The following TMCC1 variants were observed in gnomAD, a reference collection of about 807,000 sequenced individuals.
The protein encoded by TMCC1 is transmembrane and coiled-coil domain family 1, also known as transmembrane and coiled-coil domains protein 1.
A neutral mutation model predicts 52.4 loss-of-function variants in TMCC1; 15 were observed. That is an observed-to-expected ratio of 0.29 (90% CI 0.19 to 0.44). The LOEUF (loss-of-function observed/expected upper bound fraction) is 0.44, where lower values mean the gene tolerates loss of function less well. Ranked by LOEUF, TMCC1 falls within the 20% of genes least tolerant of loss-of-function variation. TMCC1 has a pLI of 1.00. For missense variants in TMCC1, 503 were observed against 806.0 expected, an observed-to-expected ratio of 0.62 and a Z score of 4.55; for synonymous variants, 279 against 301.9, an observed-to-expected ratio of 0.92 and a Z score of 0.79.
At chr3:129,721,178 C>T (rs550092981) in intron 4 of TMCC1, among the ~76,000 whole-genome samples, 53 of 152,232 alleles carry the variant, frequency 3.5e-4, no homozygotes, top group South Asian at 6.2e-4. Flanking sequence ...CTGGCTGTAC[C>T]CCTGCCTGGA....
intron 4 of TMCC1, among the ~76,000 whole-genome samples, chr3:129,672,508 G>A (rs2088040092): frequency 6.6e-6 from 1 of 152,058 alleles, no homozygotes; most frequent in African/African-American, 2.4e-5. Context: ...GCTGAGGTGG[G>A]AGGATCACTT....
At chr3:129,687,963 T>A (rs2089527583) in intron 4 of TMCC1, among the ~76,000 whole-genome samples, 1 of 152,238 alleles carries the variant, frequency 6.6e-6, no homozygotes, top group Non-Finnish European at 1.5e-5. Context: ...TTCTGGCTTC[T>A]GTCTGTTGAG....
intron 4 of TMCC1, among the ~76,000 whole-genome samples, chr3:129,691,994 G>A (rs953593462): frequency 6.6e-6 from 1 of 152,036 alleles, no homozygotes; most frequent in African/African-American, 2.4e-5. Flanking sequence ...GCTAGACAAA[G>A]AACAAAAGAT....
At position 129,651,836 on chromosome 3, in the gene TMCC1, A is replaced by G. The variant is rs1283571566; in HGVS notation, c.1648-41T>C. ...GGGAAGAGTTAAGCCTTCTGCTCAC[A>G]AGTATTCTGAGATGCTGACATGCCC... is the stretch of plus-strand genomic sequence containing the variant. On this transcript the variant is annotated intron_variant, in intron 6 of 6. Transcript: ENST00000393238. The surrounding 1 kb of genome is among the most constrained non-coding windows in gnomAD (Gnocchi z 5.1). 6.3e-7 allele frequency: 1 copy of G among 1,575,552 alleles called. No individual in the cohort carries two copies. Among genetic ancestry groups the G allele is most frequent in the Admixed American group, 1.8e-5 (1 of 56,254 alleles).
intron 1 of TMCC1, among the ~76,000 whole-genome samples, chr3:129,884,960 G>A (rs1054923521): frequency 1.3e-5 from 2 of 151,912 alleles, no homozygotes; most frequent in African/African-American, 4.8e-5. Flanking sequence ...GCAACATGGT[G>A]AAACCTCATC....
At chr3:129,779,117 C>G (rs1299813112) in intron 4 of TMCC1, among the ~76,000 whole-genome samples, 1 of 152,028 alleles carries the variant, frequency 6.6e-6, no homozygotes, top group South Asian at 2.1e-4. Flanking sequence ...ATACAGTATA[C>G]AGAGACTTCC....
chr3:129,777,588 C>A (rs949149861), intron 4 of TMCC1, among the ~76,000 whole-genome samples: 1 of 152,252 alleles, frequency 6.6e-6, no homozygotes, highest in Admixed American at 6.5e-5. Context: ...ATTTGCCCAC[C>A]CCTCAAAATA....
chr3:129,799,957 A>G (rs188896208), intron 4 of TMCC1, among the ~76,000 whole-genome samples: 49 of 152,338 alleles, frequency 3.2e-4, no homozygotes, highest in Admixed American at 1.6e-3. Flanking sequence ...ATAAACATAT[A>G]AAGATATAAA....
At position 129,845,114 on chromosome 3, in the gene TMCC1, G is replaced by T. The variant is rs369749057; in HGVS notation, c.-183-12288C>A. ...TGAGGAGGAGGATCACTAGATCCCAGGCGATGGAAGCTGCAGTTGGCTGAG... is the reference window on the plus strand; with the variant it reads ...TGAGGAGGAGGATCACTAGATCCCATGCGATGGAAGCTGCAGTTGGCTGAG... On this transcript the variant is annotated intron_variant, in intron 2 of 6. Transcript: ENST00000393238. 1.6e-4 allele frequency among the ~76,000 whole-genome samples: 24 copies of T among 151,868 alleles called. No individual in the cohort carries two copies. In the South Asian group the frequency reaches 2.1e-3, roughly 13 times the overall value.
intron 2 of TMCC1, among the ~76,000 whole-genome samples, chr3:129,877,735 T>C (rs1331218744): frequency 6.6e-6 from 1 of 151,174 alleles, no homozygotes; most frequent in Non-Finnish European, 1.5e-5. Flanking sequence ...TTCAAGCAAT[T>C]TTCCTGCCTC....
chr3:129,740,354 G>C (rs2051354542), intron 4 of TMCC1, among the ~76,000 whole-genome samples: 1 of 152,176 alleles, frequency 6.6e-6, no homozygotes, highest in African/African-American at 2.4e-5. Flanking sequence ...TCCAAGAGAA[G>C]CATGTCCACT....
At chr3:129,864,315 T>C (rs2060526380) in intron 2 of TMCC1, among the ~76,000 whole-genome samples, 3 of 151,982 alleles carry the variant, frequency 2.0e-5, no homozygotes, top group Non-Finnish European at 4.4e-5. Flanking sequence ...AGTGGCAGAG[T>C]CAAATCAAAG....
chr3:129,860,603 TA>T (rs1465851468), intron 2 of TMCC1, among the ~76,000 whole-genome samples: 5 of 151,298 alleles, frequency 3.3e-5, no homozygotes, highest in African/African-American at 4.9e-5. Context: ...AACACATTAT[TA>T]TTTTTTTTTT....
chr3:129,827,714 A>AT, intron 4 of TMCC1, 89 bp downstream of exon 4: 1 of 1,459,718 alleles, frequency 6.9e-7, no homozygotes, highest in Non-Finnish European at 9.2e-7. Flanking sequence ...ATTTGCTGAG[A>AT]TATCTTTTTA....
intron 4 of TMCC1, 64 bp from the exon 5 acceptor site, chr3:129,671,328 G>C: frequency 1.4e-6 from 2 of 1,470,950 alleles, no homozygotes; most frequent in South Asian, 2.7e-5. Context: ...AAATCAATGG[G>C]CCAAAATGTA....
At chr3:129,760,771 C>T (rs1246753301) in intron 4 of TMCC1, among the ~76,000 whole-genome samples, 2 of 151,362 alleles carry the variant, frequency 1.3e-5, no homozygotes, top group East Asian at 4.0e-4. Context: ...GCCACCGCAC[C>T]CGGCTAATTT....
At chr3:129,871,836 G>T (rs532213658) in intron 2 of TMCC1, among the ~76,000 whole-genome samples, 2 of 152,312 alleles carry the variant, frequency 1.3e-5, no homozygotes, top group Admixed American at 6.5e-5. Flanking sequence ...AAAGATACAT[G>T]ATTTTCATAT....
rs559445314 is a variant in TMCC1 at position 129,838,525 on chromosome 3, C to T, written c.-183-5699G>A. ...AATCCAACACTTTGGGAGGCCGAGA[C>T]GGGCAGATCACAAGGTCAGGAGTTT... On this transcript the variant is annotated intron_variant, in intron 2 of 6. Transcript: ENST00000393238. Among the ~76,000 whole-genome samples the T allele has an allele frequency of 2.0e-4, 31 of 152,050 alleles. No individual in the cohort carries two copies. The South Asian group carries it at 6.4e-3, about 32-fold the overall frequency.
chr3:129,693,305 T>C (rs2047158038), intron 4 of TMCC1, among the ~76,000 whole-genome samples: 1 of 152,160 alleles, frequency 6.6e-6, no homozygotes, highest in African/African-American at 2.4e-5. Context: ...GATGATTAAA[T>C]ACAAAACAAA....
Sources: allele counts gnomAD v4.1 joint callset (sites outside exome capture counted in the v4.1 genomes callset), GRCh38; gene constraint gnomAD v4.1.1; non-coding constraint Gnocchi (gnomAD v3.1); transcripts MANE v1.5; gene names NCBI Gene and HGNC (gene_info 2026-07-23, HGNC 2026-07-21).